Variants in MALRD1 observed in about 807,000 individuals in gnomAD.
MALRD1 encodes MAM and LDL receptor class A domain containing 1, also known as MAM and LDL-receptor class A domain-containing protein 1.
MALRD1 carries 247 observed loss-of-function variants against 242.1 expected under a neutral mutation model. The observed-to-expected ratio is 1.02, with a 90% confidence interval of 0.92 to 1.13. MALRD1 has a LOEUF of 1.13. Among genes scored for constraint, MALRD1 ranks in the 50% most tolerant of loss-of-function variants. The pLI, the probability that MALRD1 is intolerant of heterozygous loss-of-function variation, is 0.00. For missense variants in MALRD1, 2,989 were observed against 2,533.1 expected, an observed-to-expected ratio of 1.18 and a Z score of -3.86; for synonymous variants, 995 against 866.6, an observed-to-expected ratio of 1.15 and a Z score of -2.60.
At chr10:19,192,928 CT>C (rs113128173) in intron 14 of MALRD1, among the ~76,000 whole-genome samples, 25,346 of 151,450 alleles carry the variant, frequency 0.17, 2,295 homozygotes, top group Non-Finnish European at 0.2. Context: ...GTGATTTATG[CT>C]TTTTTTTTCC....
In MALRD1 at chr10:19,347,909, G is replaced by A. The variant is rs1844202726; in HGVS notation, c.4040G>A (p.Gly1347Glu). The A allele has an allele frequency of 6.5e-7, 1 of 1,550,212 alleles. No homozygotes were observed. The highest frequency in any genetic ancestry group is 8.7e-7 in the Non-Finnish European group (1 of 1,146,840). ...GAGCCAGCAGCAGATCACACTTTGG[G>A]AAATTCATCTGGTCATTACATCTTT... ...GTEPAADHTL[G>E]NSSGHYIFIK... Residue 1347 changes from glycine to glutamate, a missense_variant, in exon 25 of 40, where the codon GGA becomes GAA. Transcript: ENST00000454679.
chr10:19,223,435 A>G (rs1317744246), intron 18 of MALRD1, among the ~76,000 whole-genome samples: 1 of 151,776 alleles, frequency 6.6e-6, no homozygotes, highest in African/African-American at 2.4e-5. Context: ...TTTTTTTTTA[A>G]CTCAAACATA....
intron 4 of MALRD1, among the ~76,000 whole-genome samples, chr10:19,094,959 C>A (rs1317029846): frequency 6.6e-6 from 1 of 152,136 alleles, no homozygotes; most frequent in Non-Finnish European, 1.5e-5. Context: ...CAAAATTTTC[C>A]TGTTAAACAT....
At chr10:19,366,657 G>A (rs1273007707) in intron 26 of MALRD1, among the ~76,000 whole-genome samples, 2 of 152,032 alleles carry the variant, frequency 1.3e-5, no homozygotes, top group Admixed American at 1.3e-4. Context: ...TTCATAATGT[G>A]CTTATGCATT....
At chr10:19,199,375 C>A (rs970840722) in intron 14 of MALRD1, among the ~76,000 whole-genome samples, 7 of 152,152 alleles carry the variant, frequency 4.6e-5, no homozygotes, top group Non-Finnish European at 7.3e-5. Context: ...AATGATTTAA[C>A]TTAATAGAAG....
intron 36 of MALRD1, among the ~76,000 whole-genome samples, chr10:19,671,647 ATATT>A: frequency 6.6e-6 from 1 of 152,178 alleles, no homozygotes; most frequent in East Asian, 1.9e-4. Context: ...TAATAAATAA[ATATT>A]TATCGCTACA....
In MALRD1 at chr10:19,595,192, A is replaced by G; in HGVS notation, c.5681-2A>G. On this transcript the variant is annotated splice_acceptor_variant, in intron 33 of 39. Transcript: ENST00000454679. LOFTEE classifies it high-confidence loss of function. ...AATAACTTGACTTGCTCTCTTTTTT[A>G]GGTCCTGTCCCAGTGCAGCCATCAC... 1 of 1,544,338 alleles carries G rather than the reference A, an allele frequency of 6.5e-7. No homozygotes were observed. Among genetic ancestry groups the G allele is most frequent in the Non-Finnish European group, 8.8e-7 (1 of 1,142,760 alleles).
At chr10:19,507,978 G>A (rs1291158189) in intron 31 of MALRD1, among the ~76,000 whole-genome samples, 2 of 152,064 alleles carry the variant, frequency 1.3e-5, no homozygotes, top group East Asian at 1.9e-4. Flanking sequence ...ATCAGAGAAG[G>A]ATCTCTGCCA....
rs1837346014 is a variant in MALRD1 at position 19,128,318 on chromosome 10, G to C, written c.1041G>C (p.Lys347Asn). ...LNSSVCHCLG[K>N]SCHLQFYYAM... is the part of the protein sequence containing the mutation. The stretch of plus-strand genomic sequence containing the variant: ...GCTCTGTGTGTCATTGCCTGGGCAA[G>C]AGCTGTCATCTTCAATTCTATTATG... The change falls in exon 8 of 40, where the codon AAG becomes AAC. Residue 347 changes from lysine (K) to asparagine (N), a missense_variant. Lys to Asn is a moderately conservative substitution (Grantham distance 94). Coordinates refer to ENST00000454679, the MANE Select transcript of MALRD1 (RefSeq NM_001142308.3). The C allele has an allele frequency of 8.1e-7, 1 of 1,233,334 alleles. No individual in the cohort carries two copies. The highest frequency in any genetic ancestry group is 4.2e-5 in the Admixed American group (1 of 23,692). The allele number at this position is 1,233,334 out of a possible 1,614,324, so 76.4% of individuals were successfully genotyped here. A position where few individuals can be genotyped will look rare whatever the true frequency, so the allele number is the denominator to read the frequency against.
At chr10:19,273,399 A>G (rs951596587) in intron 19 of MALRD1, among the ~76,000 whole-genome samples, 1 of 152,214 alleles carries the variant, frequency 6.6e-6, no homozygotes, top group Admixed American at 6.5e-5. Flanking sequence ...GTATTTACCC[A>G]AATGAGTATA....
At chr10:19,502,100 T>C (rs1838005301) in intron 31 of MALRD1, among the ~76,000 whole-genome samples, 1 of 151,636 alleles carries the variant, frequency 6.6e-6, no homozygotes, top group Non-Finnish European at 1.5e-5. Flanking sequence ...CCAGTATACA[T>C]GGTGGTAGCA....
At chr10:19,355,200 GTGA>G (rs1844566353) in intron 26 of MALRD1, among the ~76,000 whole-genome samples, 1 of 152,068 alleles carries the variant, frequency 6.6e-6, no homozygotes, top group South Asian at 2.1e-4. Context: ...TGGGCTGTGG[GTGA>G]TGATTTGGCT....
At chr10:19,552,400 G>C (rs1360983701) in intron 32 of MALRD1, among the ~76,000 whole-genome samples, 1 of 152,098 alleles carries the variant, frequency 6.6e-6, no homozygotes, top group African/African-American at 2.4e-5. Context: ...TTGTATTTCT[G>C]TGGAGTCAGT....
At chr10:19,379,165 A>G (rs1235713380) in intron 26 of MALRD1, among the ~76,000 whole-genome samples, 1 of 151,864 alleles carries the variant, frequency 6.6e-6, no homozygotes, top group African/African-American at 2.4e-5. Flanking sequence ...CCTTTTTCAC[A>G]TTGGTAATCT....
At chr10:19,238,244 T>C (rs1423601677) in intron 18 of MALRD1, among the ~76,000 whole-genome samples, 1 of 58,254 alleles carries the variant, frequency 1.7e-5, no homozygotes, top group Non-Finnish European at 2.9e-5. Flanking sequence ...ATATATAATA[T>C]GTAATATACA....
intron 31 of MALRD1, among the ~76,000 whole-genome samples, chr10:19,527,797 T>C (rs1301082001): frequency 6.6e-6 from 1 of 152,248 alleles, no homozygotes; most frequent in Admixed American, 6.5e-5. Context: ...CATTGGATTA[T>C]ACCATATTTT....
chr10:19,165,822 C>T lies in MALRD1; in HGVS notation c.1830+12C>T, dbSNP rs893924941. 9.7e-6 allele frequency: 12 copies of T among 1,231,032 alleles called. No individual in the cohort carries two copies. The highest frequency in any genetic ancestry group is 4.2e-5 in the Admixed American group (1 of 23,670). 76.3% of individuals were successfully genotyped at this position (1,231,032 alleles called of 1,614,324 possible). A position where few individuals can be genotyped will look rare whatever the true frequency, so the allele number is the denominator to read the frequency against. On this transcript the variant is annotated intron_variant, in intron 13 of 39. Transcript: ENST00000454679. ...CTCTACCTTTTCAGGTAAGCACATA[C>T]GAAATTAATACAACTCAACAGAAGA...
intron 30 of MALRD1, among the ~76,000 whole-genome samples, chr10:19,494,409 C>T (rs527496473): frequency 4.6e-5 from 7 of 152,240 alleles, no homozygotes; most frequent in East Asian, 1.9e-4. Context: ...GCTAGTTCTC[C>T]AGCAAGGGTT....
intron 28 of MALRD1, among the ~76,000 whole-genome samples, chr10:19,418,856 G>C (rs775351011): frequency 6.6e-6 from 1 of 152,270 alleles, no homozygotes; most frequent in Middle Eastern, 3.4e-3. Flanking sequence ...TCACATAGCA[G>C]TTTTGGGATT....
Sources: gnomAD v4.1 joint callset for allele counts (sites outside exome capture counted in the v4.1 genomes callset) on GRCh38, gnomAD v4.1.1 for gene constraint, MANE v1.5 for transcripts, NCBI Gene and HGNC (gene_info 2026-07-23, HGNC 2026-07-21) for gene names.